Variants in ARFGEF3 observed in about 807,000 individuals in gnomAD.
The protein encoded by ARFGEF3 is brefeldin A-inhibited guanine nucleotide-exchange protein 3.
Under a neutral mutation model 221.7 loss-of-function variants are expected in ARFGEF3, and 96 were observed. The observed-to-expected ratio is 0.43, with a 90% CI of 0.37 to 0.51. The LOEUF (loss-of-function observed/expected upper bound fraction) is 0.51. Among genes scored for constraint, ARFGEF3 ranks in the 20% least tolerant of loss-of-function variants. The pLI is 0.00. For synonymous variants in ARFGEF3, 1,145 were observed against 1,126.8 expected (o/e 1.02, Z -0.32); for missense variants, 2,410 against 2,789.9 (o/e 0.86, Z 3.07).
rs1780282028 is a variant in ARFGEF3, at chr6:138,334,401, C to T, written c.5555C>T (p.Ser1852Phe). Residue 1852 changes from serine to phenylalanine, a missense_variant, in exon 33 of 34, where the codon TCC becomes TTC. Physicochemically the swap from Ser to Phe is radical, Grantham distance 155 (BLOSUM62 -2). This residue lies in a region of ARFGEF3 where 723 missense variants were observed against 991.9 expected (regional missense o/e 0.73). Coordinates refer to ENST00000251691, the MANE Select transcript of ARFGEF3 (RefSeq NM_020340.5). This position sits in a 1 kb window ranked among gnomAD's most constrained non-coding sequence, Gnocchi z 5.1. Reference protein sequence around the residue: ...FEDDERSTDSSQQCSSEDEDI... With the variant: ...FEDDERSTDSFQQCSSEDEDI... ...GACGACGAGAGAAGCACGGATTCTT[C>T]CCAGCAGTGTTCATCTGAGGATGAA... 6.2e-7 allele frequency: 1 copy of T among 1,612,650 alleles called. No individual in the cohort carries two copies. The highest frequency in any genetic ancestry group is 1.7e-5 in the Admixed American group (1 of 59,810).
chr6:138,244,120 A>G (rs1020674638), intron 7 of ARFGEF3, among the ~76,000 whole-genome samples: 1 of 152,240 alleles, frequency 6.6e-6, no homozygotes, highest in Non-Finnish European at 1.5e-5. Flanking sequence ...GCGTTTGTCT[A>G]AAATTGAGCT....
chr6:138,279,801 G>C (rs1457569053), intron 13 of ARFGEF3, among the ~76,000 whole-genome samples, 198 bp from the exon 14 acceptor site: 1 of 152,164 alleles, frequency 6.6e-6, no homozygotes. Context: ...TCTGTCAAAA[G>C]GTGTCATCAG....
rs1411869392 is a variant in ARFGEF3, at chr6:138,245,536, G to T, written c.610G>T (p.Asp204Tyr). Residue 204 changes from aspartate to tyrosine, a missense_variant, in exon 8 of 34, where the codon GAT becomes TAT. By Grantham distance (160) the Asp-to-Tyr change is radical. Around this residue, in one of 5 missense-constraint regions of ARFGEF3, gnomAD observed 570 missense variants for 586.9 expected, o/e 0.97. Coordinates refer to ENST00000251691, the MANE Select transcript of ARFGEF3 (RefSeq NM_020340.5). ...AGGGTCAACAGTAGAGTCCCTCTGT[G>T]ATGATGTTGTCTCTGTACTCACCGT... ...NQGSTVESLCDDVVSVLTVLC... is the reference protein window; with the variant it reads ...NQGSTVESLCYDVVSVLTVLC... The T allele has an allele frequency of 3.7e-6, 6 of 1,611,392 alleles. No individual in the cohort carries two copies. The highest frequency in any genetic ancestry group is 2.7e-5 in the African/African-American group (2 of 74,880).
At position 138,278,384 on chromosome 6, in the gene ARFGEF3, C is replaced by G; in HGVS notation, c.2129-67C>G. 4 of 1,478,644 alleles carry G rather than the reference C, an allele frequency of 2.7e-6. No individual in the cohort carries two copies. The South Asian group carries it at 4.8e-5, about 18-fold the overall frequency. 91.6% of individuals were successfully genotyped at this position (1,478,644 alleles called of 1,614,324 possible). A position where few individuals can be genotyped will look rare whatever the true frequency, so the allele number is the denominator to read the frequency against. ...TATCTCTCACGATGGGTTCGCAGCT[C>G]TCTGGAAGCCAGCCTTGCCAAGCAC... is the stretch of plus-strand genomic sequence containing the variant. On this transcript the variant is annotated intron_variant, in intron 12 of 33. Transcript: ENST00000251691.
chr6:138,340,397 G>A lies in ARFGEF3; in HGVS notation c.*3911G>A, dbSNP rs954429791. 2.6e-5 allele frequency: 4 copies of A among 152,120 alleles called. No homozygotes were observed. The highest frequency in any genetic ancestry group is 1.9e-4 in the East Asian group (1 of 5,198). The allele number at this position is 152,120 out of a possible 1,614,324, so 9.4% of individuals were successfully genotyped here. On this transcript the variant is annotated 3_prime_UTR_variant, in exon 34 of 34. Transcript: ENST00000251691. ...AGTCAAGTAGCCTTCGCTGTGAGAC[G>A]GTAATGCAGTTATATAATAGATACC... is the stretch of plus-strand genomic sequence containing the variant.
intron 10 of ARFGEF3, 93 bp downstream of exon 10, chr6:138,255,862 C>T (rs1238424179): frequency 9.5e-7 from 1 of 1,051,240 alleles, no homozygotes. Context: ...TTGCCAATCA[C>T]TTGCCGGAAC....
intron 4 of ARFGEF3, among the ~76,000 whole-genome samples, chr6:138,223,355 G>T (rs7753058): frequency 0.02 from 2,997 of 152,288 alleles, 87 homozygotes; most frequent in African/African-American, 0.064. Context: ...TGTGTGTTAA[G>T]CAACAAAGCT....
At chr6:138,319,040 A>AT (rs1707526357) in intron 27 of ARFGEF3, among the ~76,000 whole-genome samples, 1 of 151,638 alleles carries the variant, frequency 6.6e-6, no homozygotes, top group African/African-American at 2.4e-5. Context: ...TGCAGTCTCA[A>AT]ATTCCTGGGC....
chr6:138,318,943 C>T (rs540427931), intron 27 of ARFGEF3, among the ~76,000 whole-genome samples: 68 of 152,186 alleles, frequency 4.5e-4, no homozygotes, highest in African/African-American at 1.5e-3. Context: ...TGCAAATTTG[C>T]TGACAAAGAA....
chr6:138,245,453 C>A, intron 7 of ARFGEF3, 60 bp from the exon 8 acceptor site: 1 of 1,170,842 alleles, frequency 8.5e-7, no homozygotes, highest in African/African-American at 1.5e-5. Context: ...AAGGATGGTT[C>A]AGGGAGCTCG....
intron 2 of ARFGEF3, among the ~76,000 whole-genome samples, chr6:138,179,883 C>T (rs887504200): frequency 6.6e-6 from 1 of 152,218 alleles, no homozygotes; most frequent in East Asian, 1.9e-4. Context: ...AATCATAGCT[C>T]ATTGCACACT....
Position 138,263,186 on chromosome 6 carries a change from C to T in ARFGEF3, c.1703C>T (p.Thr568Met), listed in dbSNP as rs753750788. 9.7e-5 allele frequency: 156 copies of T among 1,613,878 alleles called. No homozygotes were observed. The highest frequency in any genetic ancestry group is 1.2e-4 in the Non-Finnish European group (137 of 1,179,884). Residue 568 changes from threonine (T) to methionine (M), a missense_variant, in exon 12 of 34, where the codon ACG (threonine) becomes ATG (methionine). By Grantham distance (81) the Thr-to-Met change is moderately conservative. Coordinates refer to ENST00000251691, the MANE Select transcript of ARFGEF3 (RefSeq NM_020340.5). ...DQPDVVQRSH[T>M]VPYPDITNFL... ...CCAGATGTCGTGCAGAGAAGCCACA[C>T]GGTCCCTTACCCTGACATAACTAAC...
At chr6:138,234,082 G>T (rs369428415) in intron 5 of ARFGEF3, among the ~76,000 whole-genome samples, 2 of 152,202 alleles carry the variant, frequency 1.3e-5, no homozygotes, top group East Asian at 3.9e-4. Flanking sequence ...TGCTTCTTTG[G>T]CAAGGAATTT....
intron 27 of ARFGEF3, among the ~76,000 whole-genome samples, chr6:138,317,846 G>A (rs765543040): frequency 6.6e-6 from 1 of 152,132 alleles, no homozygotes; most frequent in Non-Finnish European, 1.5e-5. Context: ...GTTTGTGTAA[G>A]GGTCATAGGT....
chr6:138,177,283 T>C lies in ARFGEF3; in HGVS notation c.137+6570T>C, dbSNP rs964695163. On this transcript the variant is annotated intron_variant, in intron 2 of 33. Transcript: ENST00000251691. ...TCTGTATTTTTTGTTTGTTTGTTTG[T>C]TTATTTGTTTGTTTTGGTAGAGATT... Among the ~76,000 whole-genome samples, 4 of 151,952 alleles carry C rather than the reference T, an allele frequency of 2.6e-5. 1 individual carries two copies. The Middle Eastern group carries it at 0.014, about 517-fold the overall frequency.
At chr6:138,185,892 T>G (rs1777174367) in intron 2 of ARFGEF3, among the ~76,000 whole-genome samples, 1 of 152,196 alleles carries the variant, frequency 6.6e-6, no homozygotes, top group African/African-American at 2.4e-5. Context: ...GGAATTATAC[T>G]AATGGCTTGG....
intron 8 of ARFGEF3, among the ~76,000 whole-genome samples, chr6:138,251,988 G>A (rs1778592014): frequency 6.6e-6 from 1 of 152,116 alleles, no homozygotes; most frequent in African/African-American, 2.4e-5. Context: ...TAGAAGCCTA[G>A]AAATGTGAAG....
chr6:138,195,780 A>G (rs953079508), intron 2 of ARFGEF3, among the ~76,000 whole-genome samples: 7 of 152,280 alleles, frequency 4.6e-5, no homozygotes, highest in Middle Eastern at 3.4e-3. Flanking sequence ...TTCTTTATAT[A>G]TATTGACAAA....
At chr6:138,317,526 T>C in intron 27 of ARFGEF3, 147 bp downstream of exon 27, 2 of 968,358 alleles carry the variant, frequency 2.1e-6, no homozygotes, top group Non-Finnish European at 3.1e-6. Context: ...TAAATGTTTG[T>C]TGAATGGTAG....
Sources: gnomAD v4.1 joint callset for allele counts (sites outside exome capture counted in the v4.1 genomes callset) on GRCh38, gnomAD v4.1.1 for gene constraint, gnomAD v4.1.1 regional missense constraint, Gnocchi (gnomAD v3.1) non-coding constraint, MANE v1.5 for transcripts, NCBI Gene and HGNC (gene_info 2026-07-23, HGNC 2026-07-21) for gene names.